CHST9: variants seen among roughly 807,000 people sequenced by gnomAD.
The protein encoded by CHST9 is carbohydrate sulfotransferase 9, also known as GalNAc-4-sulfotransferase 2.
A neutral mutation model predicts 44.4 loss-of-function variants in CHST9; 41 were observed. That is an observed-to-expected ratio of 0.92 (90% CI 0.72 to 1.20). The LOEUF (loss-of-function observed/expected upper bound fraction) is 1.20, where lower values mean the gene tolerates loss of function less well. CHST9 is among the 50% of genes most tolerant of loss of function. The probability of loss-of-function intolerance (pLI) is 0.00; values close to 1 mark genes in which losing one functional copy is unlikely to be tolerated. For missense variants in CHST9, 504 were observed against 516.5 expected (o/e 0.98, Z 0.23); for synonymous variants, 171 against 178.4 (o/e 0.96, Z 0.33).
intron 2 of CHST9, among the ~76,000 whole-genome samples, chr18:27,097,411 A>G (rs536881425): frequency 1.3e-5 from 2 of 152,162 alleles, no homozygotes; most frequent in Admixed American, 1.3e-4. Context: ...CAGGCAAAAG[A>G]AAGGAATAAA....
intron 2 of CHST9, among the ~76,000 whole-genome samples, chr18:27,122,046 C>CT (rs1422831025): frequency 6.6e-6 from 1 of 152,138 alleles, no homozygotes; most frequent in Non-Finnish European, 1.5e-5. Flanking sequence ...CTGTCTCTCT[C>CT]TAACAACCCA....
intron 2 of CHST9, among the ~76,000 whole-genome samples, chr18:27,079,215 C>T (rs7227665): frequency 0.35 from 52,748 of 152,004 alleles, 9,614 homozygotes; most frequent in East Asian, 0.51. Context: ...GGGAAGCTTG[C>T]GATGCACATT....
At position 27,015,399 on chromosome 18, in the gene CHST9, A is replaced by G. The variant is rs186071877; in HGVS notation, c.202+8717T>C. Among the ~76,000 whole-genome samples the G allele has an allele frequency of 5.8e-3, 864 of 149,872 alleles. 9 individuals are homozygous for G. The highest frequency in any genetic ancestry group is 0.019 in the African/African-American group (761 of 40,262). ...CCTTCGGAGAGTGTGAGGGGAAGGG[A>G]CCTGAGAAGAGGAAAGCAAATGCTG... is the stretch of plus-strand genomic sequence containing the variant. On this transcript the variant is annotated intron_variant, in intron 4 of 5. Coordinates refer to ENST00000618847, the MANE Select transcript of CHST9 (RefSeq NM_031422.6).
chr18:27,024,805 GA>G (rs2057266237), intron 3 of CHST9, among the ~76,000 whole-genome samples: 2 of 152,094 alleles, frequency 1.3e-5, no homozygotes, highest in Admixed American at 6.5e-5. Flanking sequence ...ACAGCTATAA[GA>G]AAGAAATCTT....
intron 4 of CHST9, among the ~76,000 whole-genome samples, chr18:26,948,123 C>A (rs565454081): frequency 6.6e-6 from 1 of 152,266 alleles, no homozygotes; most frequent in Admixed American, 6.5e-5. Flanking sequence ...TGGAAACCAT[C>A]ATTCTCAGCA....
intron 5 of CHST9, among the ~76,000 whole-genome samples, chr18:26,919,665 C>G (rs2055609728): frequency 6.6e-6 from 1 of 152,022 alleles, no homozygotes; most frequent in Non-Finnish European, 1.5e-5. Flanking sequence ...CTACATATGC[C>G]CTCACCAGGT....
Position 27,176,672 on chromosome 18 carries a change from T to C in CHST9, c.-97+8464A>G, listed in dbSNP as rs1052156818. ...AGAGGGACTTTCTGAGCTGCGATTATGTTTTATAGAGTGTTCTGCATTAAA... is the reference window on the plus strand; with the variant it reads ...AGAGGGACTTTCTGAGCTGCGATTACGTTTTATAGAGTGTTCTGCATTAAA... On this transcript the variant is annotated intron_variant, in intron 1 of 5. Coordinates refer to ENST00000618847, the MANE Select transcript of CHST9 (RefSeq NM_031422.6). Among the ~76,000 whole-genome samples the C allele has an allele frequency of 3.9e-5, 6 of 152,030 alleles. 1 individual carries two copies. Among genetic ancestry groups the C allele is most frequent in the African/African-American group, 1.4e-4 (6 of 41,410 alleles).
chr18:26,991,507 G>GAC (rs2056815814), intron 4 of CHST9, among the ~76,000 whole-genome samples: 1 of 152,014 alleles, frequency 6.6e-6, no homozygotes. Context: ...CTGGGATCCA[G>GAC]AGAGAGATGT....
intron 1 of CHST9, among the ~76,000 whole-genome samples, chr18:27,161,532 T>G (rs954190719): frequency 3.3e-5 from 5 of 152,206 alleles, no homozygotes; most frequent in African/African-American, 1.2e-4. Flanking sequence ...TACTTTCAAC[T>G]AAGTGGTCAA....
At chr18:27,128,244 C>CA (rs1446050276) in intron 2 of CHST9, among the ~76,000 whole-genome samples, 1 of 152,086 alleles carries the variant, frequency 6.6e-6, no homozygotes, top group Non-Finnish European at 1.5e-5. Flanking sequence ...AACACACCCA[C>CA]AAAAAGATTC....
chr18:27,008,534 T>C (rs2057044256), intron 4 of CHST9, among the ~76,000 whole-genome samples: 3 of 152,240 alleles, frequency 2.0e-5, no homozygotes, highest in African/African-American at 7.2e-5. Context: ...CTCTAGTTTG[T>C]AGTTCTCCAC....
At chr18:27,057,819 G>A (rs2057675366) in intron 2 of CHST9, among the ~76,000 whole-genome samples, 1 of 152,204 alleles carries the variant, frequency 6.6e-6, no homozygotes, top group African/African-American at 2.4e-5. Context: ...TTTGCAGGCG[G>A]CTGACCTCTC....
chr18:26,962,292 C>T (rs957867467), intron 4 of CHST9, among the ~76,000 whole-genome samples: 3 of 91,120 alleles, frequency 3.3e-5, no homozygotes, highest in Non-Finnish European at 6.4e-5. Flanking sequence ...ATTATAGTCT[C>T]CTTTTTTTTT....
intron 2 of CHST9, among the ~76,000 whole-genome samples, chr18:27,053,170 GA>G: frequency 6.8e-6 from 1 of 146,710 alleles, no homozygotes. Flanking sequence ...AGAAGAAGAA[GA>G]AGAAGAAGAA....
chr18:27,128,558 G>A (rs923835443), intron 2 of CHST9, among the ~76,000 whole-genome samples: 42 of 152,278 alleles, frequency 2.8e-4, no homozygotes, highest in African/African-American at 9.6e-4. Context: ...GTGAGCCACC[G>A]TGCCCGGCCC....
At chr18:27,111,290 T>C (rs2058268681) in intron 2 of CHST9, among the ~76,000 whole-genome samples, 1 of 152,248 alleles carries the variant, frequency 6.6e-6, no homozygotes, top group Admixed American at 6.5e-5. Context: ...CACCAGCAAT[T>C]TAATCACCAC....
At chr18:27,101,703 C>A (rs74834694) in intron 2 of CHST9, among the ~76,000 whole-genome samples, 2,885 of 152,232 alleles carry the variant, frequency 0.019, 82 homozygotes, top group African/African-American at 0.064. Context: ...CTCAGAATTA[C>A]CAAGGGTTCT....
intron 2 of CHST9, among the ~76,000 whole-genome samples, chr18:27,141,961 C>T (rs2058571764): frequency 1.3e-5 from 2 of 152,058 alleles, no homozygotes; most frequent in African/African-American, 4.8e-5. Flanking sequence ...TCATTTTTAA[C>T]AGTAAGTGAG....
intron 1 of CHST9, among the ~76,000 whole-genome samples, chr18:27,149,831 C>T (rs934211038): frequency 9.2e-5 from 14 of 151,896 alleles, no homozygotes; most frequent in East Asian, 3.9e-4. Context: ...TTCCTAATGC[C>T]GTATTTTTCA....
Sources: gnomAD v4.1 joint callset for allele counts (sites outside exome capture counted in the v4.1 genomes callset) on GRCh38, gnomAD v4.1.1 for gene constraint, MANE v1.5 for transcripts, NCBI Gene and HGNC (gene_info 2026-07-23, HGNC 2026-07-21) for gene names.